The following ADGRL2 variants were observed in gnomAD, a reference collection of about 807,000 sequenced individuals.
The protein encoded by ADGRL2 is adhesion G protein-coupled receptor L2.
Under a neutral mutation model 157.4 loss-of-function variants are expected in ADGRL2, and 44 were observed. The ratio of observed to expected loss-of-function variants is 0.28; its 90% CI spans 0.22 to 0.36. The LOEUF (loss-of-function observed/expected upper bound fraction) is 0.36. ADGRL2 is among the 10% of genes least tolerant of loss of function. The pLI is 1.00. For synonymous variants in ADGRL2, 585 were observed against 624.7 expected, an observed-to-expected ratio of 0.94 and a Z score of 0.95; for missense variants, 1,510 against 1,768.9, an observed-to-expected ratio of 0.85 and a Z score of 2.63.
chr1:81,957,581 G>A (rs1267862126), intron 11 of ADGRL2, among the ~76,000 whole-genome samples: 1 of 152,082 alleles, frequency 6.6e-6, no homozygotes, highest in African/African-American at 2.4e-5. Context: ...GGTGGCGCAT[G>A]CCTGTAGTCC....
intron 1 of ADGRL2, among the ~76,000 whole-genome samples, chr1:81,701,528 G>A (rs138891490): frequency 1.4e-4 from 21 of 152,120 alleles, no homozygotes; most frequent in African/African-American, 4.6e-4. Context: ...AATGTCCTGC[G>A]GTGAGATTTT....
chr1:81,984,594 A>G lies in ADGRL2; in HGVS notation c.3294A>G (p.Glu1098=). The G allele has an allele frequency of 1.2e-6, 2 of 1,608,994 alleles. No individual in the cohort carries two copies. Among genetic ancestry groups the G allele is most frequent in the African/African-American group, 2.7e-5 (2 of 74,908 alleles). ...HCALQKKVRK[E]YGKCFRHSYC... ...ATTATTCAATGCAGGTACGAAAAGA[A>G]TATGGCAAGTGCTTCAGACACTCAT... Residue 1098 remains glutamate (E), a synonymous_variant, in exon 20 of 24, where the codon GAA becomes GAG. Coordinates refer to ENST00000686636, the MANE Select transcript of ADGRL2 (RefSeq NM_001366006.2).
chr1:81,396,036 T>C (rs536747440), intron 1 of ADGRL2, among the ~76,000 whole-genome samples: 1 of 152,264 alleles, frequency 6.6e-6, no homozygotes, highest in Non-Finnish European at 1.5e-5. Context: ...TCCATATTAA[T>C]TTTAGGATTT....
chr1:81,842,119 G>T (rs2092606378), intron 2 of ADGRL2, among the ~76,000 whole-genome samples: 1 of 151,978 alleles, frequency 6.6e-6, no homozygotes, highest in Admixed American at 6.6e-5. Flanking sequence ...TATTCTATGT[G>T]CTTAGGGGTG....
At chr1:81,985,123 G>GA (rs1367853686) in intron 20 of ADGRL2, 136 bp from the exon 21 acceptor site, 4 of 506,784 alleles carry the variant, frequency 7.9e-6, no homozygotes, top group African/African-American at 3.9e-5. Context: ...TTTTAGACCA[G>GA]AAAAAACACA....
chr1:81,959,724 T>C (rs1654710914), intron 11 of ADGRL2, among the ~76,000 whole-genome samples: 2 of 152,178 alleles, frequency 1.3e-5, no homozygotes, highest in South Asian at 2.1e-4. Flanking sequence ...TGTGTTCACA[T>C]TTTCATAAAT....
At chr1:81,967,530 G>T (rs1251575933) in intron 13 of ADGRL2, among the ~76,000 whole-genome samples, 1 of 152,058 alleles carries the variant, frequency 6.6e-6, no homozygotes, top group East Asian at 1.9e-4. Context: ...CAAAGTGCTG[G>T]GATTACAGGC....
rs578176644 is a variant in ADGRL2 at position 81,421,052 on chromosome 1, C to A, written c.-301-23984C>A. On this transcript the variant is annotated intron_variant, in intron 1 of 24. Transcript: ENST00000370721. ...TAGCATCTTTTGGGTTTTCAGTTGG[C>A]AAGTAAATGATCATCAGCAAATATT... 2.7e-4 allele frequency among the ~76,000 whole-genome samples: 41 copies of A among 152,226 alleles called. 2 individuals carry two copies. In the South Asian group the frequency reaches 7.9e-3, roughly 29 times the overall value.
intron 3 of ADGRL2, among the ~76,000 whole-genome samples, chr1:81,643,392 A>C (rs1250744659): frequency 6.6e-6 from 1 of 152,184 alleles, no homozygotes; most frequent in Non-Finnish European, 1.5e-5. Context: ...GGCTCACTGC[A>C]GCCTTGAACT....
chr1:81,701,850 C>T (rs913372692), intron 1 of ADGRL2, among the ~76,000 whole-genome samples: 1 of 152,192 alleles, frequency 6.6e-6, no homozygotes, highest in African/African-American at 2.4e-5. Flanking sequence ...TCTTTTCTCC[C>T]AGGAATTGTC....
chr1:81,980,089 A>G (rs1661237597), intron 18 of ADGRL2, 129 bp downstream of exon 18: 1 of 595,354 alleles, frequency 1.7e-6, no homozygotes, highest in Non-Finnish European at 3.0e-6. Context: ...ACTGCCCTCA[A>G]GTTGAATCTC....
At chr1:81,664,198 A>T (rs977313741) in intron 3 of ADGRL2, among the ~76,000 whole-genome samples, 1 of 152,196 alleles carries the variant, frequency 6.6e-6, no homozygotes, top group South Asian at 2.1e-4. Context: ...TCAAAGAAAT[A>T]TTGGTCAAAT....
chr1:81,888,587 C>T (rs183968897), intron 2 of ADGRL2, among the ~76,000 whole-genome samples: 90 of 152,150 alleles, frequency 5.9e-4, no homozygotes, highest in Middle Eastern at 3.4e-3. Context: ...TACAGGCGCC[C>T]GCCACCGCGC....
In ADGRL2 at chr1:81,969,270, C is replaced by T; in HGVS notation, c.2616C>T (p.Thr872=). ...TTTGCCTGGCTATCTGCATCTTCAC[C>T]TTCTGCTTTTTCCGTGGCCTACAGA... The part of the protein sequence containing the change: ...SLVCLAICIF[T]FCFFRGLQSD... Residue 872 remains threonine (T), a synonymous_variant, in exon 15 of 24, where the codon ACC becomes ACT. Transcript: ENST00000686636. 1.9e-6 allele frequency: 3 copies of T among 1,614,004 alleles called. No individual in the cohort carries two copies. The highest frequency in any genetic ancestry group is 2.5e-6 in the Non-Finnish European group (3 of 1,179,896).
Position 81,561,434 on chromosome 1 carries a change from T to C in ADGRL2, c.-247-19442T>C, listed in dbSNP as rs1276112649. Among the ~76,000 whole-genome samples the C allele has an allele frequency of 1.2e-4, 18 of 147,914 alleles. No individual in the cohort carries two copies. In the South Asian group the frequency reaches 1.7e-3, roughly 14 times the overall value. On this transcript the variant is annotated intron_variant, in intron 2 of 24. Coordinates refer to the ADGRL2 transcript ENST00000370721. ...TTTCAATTTTTTGTTTTGTTTTGTTTTGTTCTGTTTTTTTTTGTTGTTGTT... is the reference window on the plus strand; with the variant it reads ...TTTCAATTTTTTGTTTTGTTTTGTTCTGTTCTGTTTTTTTTTGTTGTTGTT...
chr1:81,787,332 C>T (rs977514787), intron 2 of ADGRL2, among the ~76,000 whole-genome samples: 3 of 152,106 alleles, frequency 2.0e-5, no homozygotes, highest in Non-Finnish European at 4.4e-5. Context: ...TCTGTCAAGG[C>T]ACCTTTCATG....
chr1:81,605,953 C>A (rs1193830864), intron 3 of ADGRL2, among the ~76,000 whole-genome samples: 1 of 152,102 alleles, frequency 6.6e-6, no homozygotes, highest in East Asian at 1.9e-4. Context: ...AGAAGCTTTC[C>A]TTATCCCAAC....
At chr1:81,417,132 A>T (rs1445209801) in intron 1 of ADGRL2, among the ~76,000 whole-genome samples, 1 of 152,206 alleles carries the variant, frequency 6.6e-6, no homozygotes, top group African/African-American at 2.4e-5. Context: ...ATTTTCCCGA[A>T]TTACATTTTA....
At chr1:81,600,717 A>G (rs2081317696) in intron 3 of ADGRL2, among the ~76,000 whole-genome samples, 1 of 152,250 alleles carries the variant, frequency 6.6e-6, no homozygotes, top group Admixed American at 6.5e-5. Flanking sequence ...AGAGTGGAAT[A>G]AAATATATTT....
Sources: gnomAD v4.1 joint callset for allele counts (sites outside exome capture counted in the v4.1 genomes callset) on GRCh38, gnomAD v4.1.1 for gene constraint, MANE v1.5 for transcripts, NCBI Gene and HGNC (gene_info 2026-07-23, HGNC 2026-07-21) for gene names.